BHMT2: variants seen among roughly 807,000 people sequenced by gnomAD.
The protein encoded by BHMT2 is betaine--homocysteine S-methyltransferase 2.
BHMT2 carries 28 observed loss-of-function variants against 39.0 expected under a neutral mutation model. The ratio of observed to expected loss-of-function variants is 0.72; its 90% CI spans 0.53 to 0.98. The LOEUF is 0.98. BHMT2 is among the 50% of genes least tolerant of loss of function. The pLI is 0.00. For synonymous variants in BHMT2, 145 were observed against 160.6 expected (o/e 0.90, Z 0.74); for missense variants, 410 against 455.6 (o/e 0.90, Z 0.91).
Position 79,083,489 on chromosome 5 carries a change from A to G in BHMT2, c.781+115A>G. On this transcript the variant is annotated intron_variant, in intron 6 of 7. Transcript: ENST00000255192. ...AGACTGCATATGACAAAACATTCAGAGTTAACCAAAAATGAGCTATCAGAA... is the reference window on the plus strand; with the variant it reads ...AGACTGCATATGACAAAACATTCAGGGTTAACCAAAAATGAGCTATCAGAA... The G allele has an allele frequency of 2.0e-6, 3 of 1,470,970 alleles. No homozygotes were observed. The Admixed American group carries it at 7.6e-5, about 37-fold the overall frequency. The allele number at this position is 1,470,970 out of a possible 1,614,324, so 91.1% of individuals were successfully genotyped here.
chr5:79,075,638 G>A (rs547721440), intron 1 of BHMT2, among the ~76,000 whole-genome samples: 1 of 152,312 alleles, frequency 6.6e-6, no homozygotes, highest in East Asian at 1.9e-4. Context: ...GGATTGCTGT[G>A]GGGAGTTGGG....
intron 1 of BHMT2, among the ~76,000 whole-genome samples, chr5:79,076,108 C>T (rs1025405134): frequency 2.5e-4 from 38 of 152,110 alleles, no homozygotes; most frequent in Non-Finnish European, 1.5e-5. Flanking sequence ...AAGGTTTTAT[C>T]GAATGGTGGA....
In BHMT2 at chr5:79,080,742, G is replaced by T; in HGVS notation, c.314G>T (p.Gly105Val). The T allele has an allele frequency of 6.2e-7, 1 of 1,603,748 alleles. No individual in the cohort carries two copies. Among genetic ancestry groups the T allele is most frequent in the Non-Finnish European group, 8.5e-7 (1 of 1,176,622 alleles). ...CDLAREVAGKGDALVAGGICQ... is the reference protein window; with the variant it reads ...CDLAREVAGKVDALVAGGICQ... ...CTCGCCAGGGAAGTGGCTGGCAAAG[G>T]TGATGCTTTGGTAGCAGGGGGGATC... is the stretch of plus-strand genomic sequence containing the variant. The change falls in exon 4 of 8, where the codon GGT (glycine) becomes GTT (valine). Residue 105 changes from glycine to valine, a missense_variant. Gly to Val is a moderately radical substitution (Grantham distance 109). Transcript: ENST00000255192.
intron 3 of BHMT2, among the ~76,000 whole-genome samples, chr5:79,080,357 A>G (rs1423088095): frequency 2.0e-5 from 3 of 152,230 alleles, no homozygotes; most frequent in South Asian, 2.1e-4. Context: ...AATTCATTCA[A>G]CCAACCAACA....
Position 79,088,558 on chromosome 5 carries a change from C to T in BHMT2, c.1076C>T (p.Ser359Leu). The stretch of plus-strand genomic sequence containing the variant: ...GGCAGACCTTTCTGTCCTTCGCTGT[C>T]AAAGCCAGACTTCTAAGGAGTAGTG... Reference protein sequence around the residue: ...ASGRPFCPSLSKPDF With the variant: ...ASGRPFCPSLLKPDF The change falls in exon 8 of 8, where the codon TCA becomes TTA. Residue 359 changes from serine to leucine, a missense_variant. By Grantham distance (145) the Ser-to-Leu change is moderately radical. Transcript: ENST00000255192. The T allele has an allele frequency of 6.2e-7, 1 of 1,613,984 alleles. No individual in the cohort carries two copies. The highest frequency in any genetic ancestry group is 2.2e-5 in the East Asian group (1 of 44,878).
chr5:79,080,227 A>G (rs1755758925), intron 3 of BHMT2, among the ~76,000 whole-genome samples: 1 of 152,250 alleles, frequency 6.6e-6, no homozygotes, highest in South Asian at 2.1e-4. Flanking sequence ...AAATGGAGAC[A>G]ACAGTAGTGC....
chr5:79,071,430 G>A (rs747629776), intron 1 of BHMT2, among the ~76,000 whole-genome samples: 99 of 152,188 alleles, frequency 6.5e-4, no homozygotes, highest in Admixed American at 9.2e-4. Context: ...GAGGTCTTAC[G>A]TAGTGATATC....
At position 79,088,671 on chromosome 5, in the gene BHMT2, T is replaced by G; in HGVS notation, c.*97T>G. On this transcript the variant is annotated 3_prime_UTR_variant, in exon 8 of 8. Coordinates refer to ENST00000255192, the MANE Select transcript of BHMT2 (RefSeq NM_017614.5). ...CCTCACCTTCATCCTCACCATGCCCTGCTATCTCCAGCTGCTGAGCAGCTG... is the reference window on the plus strand; with the variant it reads ...CCTCACCTTCATCCTCACCATGCCCGGCTATCTCCAGCTGCTGAGCAGCTG... The G allele has an allele frequency of 1.1e-6, 1 of 928,672 alleles. No individual in the cohort carries two copies. Among genetic ancestry groups the G allele is most frequent in the Non-Finnish European group, 1.7e-6 (1 of 594,726 alleles). The allele number at this position is 928,672 out of a possible 1,614,324, so 57.5% of individuals were successfully genotyped here. A position where few individuals can be genotyped will look rare whatever the true frequency, so the allele number is the denominator to read the frequency against.
chr5:79,075,751 G>C (rs1308399740), intron 1 of BHMT2, among the ~76,000 whole-genome samples: 1 of 152,206 alleles, frequency 6.6e-6, no homozygotes, highest in Non-Finnish European at 1.5e-5. Flanking sequence ...GGCACCTGGG[G>C]AGATGTGCTT....
intron 3 of BHMT2, among the ~76,000 whole-genome samples, chr5:79,080,105 T>C (rs1755756768): frequency 6.6e-6 from 1 of 152,150 alleles, no homozygotes; most frequent in Non-Finnish European, 1.5e-5. Context: ...TAAAAAACAA[T>C]ACTGGAGTAG....
intron 7 of BHMT2, among the ~76,000 whole-genome samples, chr5:79,085,300 A>T (rs185523717): frequency 8.5e-5 from 13 of 152,334 alleles, no homozygotes; most frequent in Admixed American, 8.5e-4. Context: ...GAAAATACTG[A>T]CCAGCTCTAG....
Position 79,079,372 on chromosome 5 carries a change from G to T in BHMT2, c.170G>T (p.Arg57Leu). ...EAVIEHPDAV[R>L]QLHMEFLRAG... ...TTAAAACCCAACTACTTTGTAGTTCGTCAACTTCACATGGAATTCTTGAGA... is the reference window on the plus strand; with the variant it reads ...TTAAAACCCAACTACTTTGTAGTTCTTCAACTTCACATGGAATTCTTGAGA... Residue 57 changes from arginine to leucine, a missense_variant, in exon 3 of 8, where the codon CGT (arginine) becomes CTT (leucine). Coordinates refer to ENST00000255192, the MANE Select transcript of BHMT2 (RefSeq NM_017614.5). 6.2e-7 allele frequency: 1 copy of T among 1,609,368 alleles called. No individual in the cohort carries two copies. Among genetic ancestry groups the T allele is most frequent in the East Asian group, 2.2e-5 (1 of 44,758 alleles).
intron 5 of BHMT2, 67 bp downstream of exon 5, chr5:79,083,023 G>A: frequency 1.3e-6 from 2 of 1,598,390 alleles, no homozygotes; most frequent in Non-Finnish European, 1.7e-6. Context: ...AAGTGTGCTT[G>A]ATATTGTGAG....
chr5:79,088,293 A>G (rs188348653), intron 7 of BHMT2, among the ~76,000 whole-genome samples, 200 bp from the exon 8 acceptor site: 1 of 152,048 alleles, frequency 6.6e-6, no homozygotes. Flanking sequence ...GGATATGGAC[A>G]CAGTTTTCCG....
chr5:79,083,068 G>A, intron 5 of BHMT2, 112 bp downstream of exon 5: 1 of 1,572,274 alleles, frequency 6.4e-7, no homozygotes, highest in Non-Finnish European at 8.7e-7. Context: ...ACTCCAATCA[G>A]TTTTCTTATC....
chr5:79,087,918 A>T (rs1165728618), intron 7 of BHMT2, among the ~76,000 whole-genome samples: 2 of 152,194 alleles, frequency 1.3e-5, no homozygotes, highest in Non-Finnish European at 2.9e-5. Flanking sequence ...GGTGGCTTAC[A>T]CCTGTAATCC....
intron 4 of BHMT2, 140 bp from the exon 5 acceptor site, chr5:79,082,669 C>A: frequency 1.1e-6 from 1 of 925,128 alleles, no homozygotes; most frequent in Non-Finnish European, 1.6e-6. Context: ...GTCTGATAGA[C>A]ACACATTCCT....
At position 79,080,623 on chromosome 5, in the gene BHMT2, A is replaced by G. The variant is rs1010855471; in HGVS notation, c.259-64A>G. ...TTACTTGTTTATTGTCCCTTTAGTT[A>G]TCTTTTATATTTTACCTTCAAACTG... On this transcript the variant is annotated intron_variant, in intron 3 of 7. Coordinates refer to ENST00000255192, the MANE Select transcript of BHMT2 (RefSeq NM_017614.5). 4 of 1,434,014 alleles carry G rather than the reference A, an allele frequency of 2.8e-6. No individual in the cohort carries two copies. The African/African-American group carries it at 4.4e-5, about 16-fold the overall frequency. 88.8% of individuals were successfully genotyped at this position (1,434,014 alleles called of 1,614,324 possible).
intron 1 of BHMT2, among the ~76,000 whole-genome samples, chr5:79,070,096 GGC>G: frequency 6.6e-6 from 1 of 152,222 alleles, no homozygotes; most frequent in Non-Finnish European, 1.5e-5. Flanking sequence ...CGGCGAGTCA[GGC>G]GACTAGCTCA....
Sources: allele counts gnomAD v4.1 joint callset (sites outside exome capture counted in the v4.1 genomes callset), GRCh38; gene constraint gnomAD v4.1.1; transcripts MANE v1.5; gene names NCBI Gene and HGNC (gene_info 2026-07-23, HGNC 2026-07-21).